Variants in COX14 observed in about 807,000 individuals in gnomAD.
COX14 encodes the protein cytochrome c oxidase assembly protein COX14.
In COX14, 3 loss-of-function variants were observed where a neutral mutation model predicts 5.8. The observed-to-expected ratio is 0.51, with a 90% CI of 0.23 to 1.33. COX14 has a LOEUF of 1.33. Among genes scored for constraint, COX14 ranks in the 40% most tolerant of loss-of-function variants. COX14 has a pLI of 0.18. For missense variants in COX14, 72 were observed against 72.1 expected (o/e 1.00, Z 0.01); for synonymous variants, 25 against 26.1 (o/e 0.96, Z 0.13).
chr12:50,120,286 A>T lies in COX14; in HGVS notation c.*69A>T. 1 of 1,347,136 alleles carries T rather than the reference A, an allele frequency of 7.4e-7. No individual in the cohort carries two copies. Among genetic ancestry groups the T allele is most frequent in the Middle Eastern group, 2.6e-4 (1 of 3,814 alleles). The allele number at this position is 1,347,136 out of a possible 1,614,324, so 83.4% of individuals were successfully genotyped here. A position where few individuals can be genotyped will look rare whatever the true frequency, so the allele number is the denominator to read the frequency against. ...CTGTGGAGAGACTTCACCTGCCACC[A>T]TTTCCAGGTCAACAGGACTAGAGCG... On this transcript the variant is annotated 3_prime_UTR_variant, in exon 2 of 2. Coordinates refer to ENST00000550487, the MANE Select transcript of COX14 (RefSeq NM_032901.4).
chr12:50,119,461 G>T (rs962231574), intron 1 of COX14, among the ~76,000 whole-genome samples: 2 of 152,196 alleles, frequency 1.3e-5, no homozygotes, highest in African/African-American at 4.8e-5. Flanking sequence ...GGAGGCCAAG[G>T]TGGGAGGATC....
At position 50,116,186 on chromosome 12, in the gene COX14, A is replaced by G. The variant is rs142667792; in HGVS notation, c.-8-3850A>G. Among the ~76,000 whole-genome samples, 1,408 of 149,058 alleles carry G rather than the reference A, an allele frequency of 9.4e-3. 13 individuals are homozygous for G. Among genetic ancestry groups the G allele is most frequent in the African/African-American group, 0.034 (1,354 of 40,416 alleles). ...TGGCTCACTGCAACCTCTGCCTCCC[A>G]GGTTCAAGTGATTCTCTTGCCTCAG... On this transcript the variant is annotated intron_variant, in intron 1 of 1. Transcript: ENST00000550487.
intron 1 of COX14, among the ~76,000 whole-genome samples, chr12:50,114,711 A>G (rs1257634002): frequency 6.7e-6 from 1 of 149,396 alleles, no homozygotes; most frequent in Non-Finnish European, 1.5e-5. Flanking sequence ...ATCTATCTAA[A>G]TTTGTATTTC....
Position 50,113,623 on chromosome 12 carries a change from A to G in COX14, c.-9+1322A>G, listed in dbSNP as rs192537648. On this transcript the variant is annotated intron_variant, in intron 1 of 1. Transcript: ENST00000550487. ...CGGCCGTTATTTTATTTATTTATTT[A>G]TTTGTTTGTTATTTTATTTATTTTT... is the stretch of plus-strand genomic sequence containing the variant. Among the ~76,000 whole-genome samples, 318 of 145,340 alleles carry G rather than the reference A, an allele frequency of 2.2e-3. 1 individual carries two copies. The highest frequency in any genetic ancestry group is 0.018 in the South Asian group (82 of 4,440).
intron 1 of COX14, chr12:50,112,538 C>T (rs1424013545): frequency 2.2e-6 from 2 of 928,064 alleles, no homozygotes; most frequent in Non-Finnish European, 2.6e-6. Context: ...TGTCAAACCT[C>T]GACTCCTGCC....
intron 1 of COX14, among the ~76,000 whole-genome samples, chr12:50,119,114 G>A (rs971857705): frequency 6.6e-6 from 1 of 152,174 alleles, no homozygotes; most frequent in Non-Finnish European, 1.5e-5. Flanking sequence ...GGTTTAGAAC[G>A]TAGAATTAAT....
At position 50,120,278 on chromosome 12, in the gene COX14, C is replaced by A; in HGVS notation, c.*61C>A. The stretch of plus-strand genomic sequence containing the variant: ...AAGGCATGCTGTGGAGAGACTTCAC[C>A]TGCCACCATTTCCAGGTCAACAGGA... On this transcript the variant is annotated 3_prime_UTR_variant, in exon 2 of 2. Transcript: ENST00000550487. 7.1e-7 allele frequency: 1 copy of A among 1,406,948 alleles called. No individual in the cohort carries two copies. Among genetic ancestry groups the A allele is most frequent in the Non-Finnish European group, 9.8e-7 (1 of 1,019,348 alleles). 87.2% of individuals were successfully genotyped at this position (1,406,948 alleles called of 1,614,324 possible).
chr12:50,113,522 C>T (rs960577498), intron 1 of COX14, among the ~76,000 whole-genome samples: 1 of 151,550 alleles, frequency 6.6e-6, no homozygotes, highest in Non-Finnish European at 1.5e-5. Flanking sequence ...CCAGGATGGT[C>T]TCGATATCCT....
intron 1 of COX14, among the ~76,000 whole-genome samples, chr12:50,114,922 C>G (rs1282020766): frequency 6.6e-6 from 1 of 151,510 alleles, no homozygotes; most frequent in African/African-American, 2.4e-5. Context: ...CAGGCGCCAC[C>G]ATGCCCAGCT....
In COX14 at chr12:50,118,442, A is replaced by AT. The variant is rs1378407904; in HGVS notation, c.-8-1593dup. 2.3e-5 allele frequency: 23 copies of AT among 985,040 alleles called. No individual in the cohort carries two copies. The African/African-American group carries it at 3.7e-4, about 16-fold the overall frequency. 61.0% of individuals were successfully genotyped at this position (985,040 alleles called of 1,614,324 possible). A position where few individuals can be genotyped will look rare whatever the true frequency, so the allele number is the denominator to read the frequency against. On this transcript the variant is annotated intron_variant, in intron 1 of 1. Coordinates refer to ENST00000550487, the MANE Select transcript of COX14 (RefSeq NM_032901.4). ...TACCCCAACCCCGTCCTTGATGGAC[A>AT]TCATGCTCTGGTTGTTGTTTCTTTA...
chr12:50,118,834 T>C lies in COX14; in HGVS notation c.-8-1202T>C, dbSNP rs115439264. 3.2e-3 allele frequency among the ~76,000 whole-genome samples: 481 copies of C among 152,290 alleles called. 4 individuals are homozygous for C. The highest frequency in any genetic ancestry group is 0.011 in the African/African-American group (448 of 41,552). On this transcript the variant is annotated intron_variant, in intron 1 of 1. Coordinates refer to ENST00000550487, the MANE Select transcript of COX14 (RefSeq NM_032901.4). Reference sequence around the variant, plus strand: ...TTTTATTGAGGTAGTCTTCCTGACTTTTAAGAAACCTATCTCGCTAATTTC... The same window carrying C: ...TTTTATTGAGGTAGTCTTCCTGACTCTTAAGAAACCTATCTCGCTAATTTC...
chr12:50,115,119 G>A (rs1050350534), intron 1 of COX14, among the ~76,000 whole-genome samples: 5 of 145,706 alleles, frequency 3.4e-5, no homozygotes, highest in Non-Finnish European at 7.5e-5. Context: ...TTGCCTAGGC[G>A]TAGTCTTGAA....
intron 1 of COX14, chr12:50,112,505 T>C: frequency 1.0e-6 from 1 of 983,694 alleles, no homozygotes; most frequent in Non-Finnish European, 1.2e-6. Context: ...TAGGTCAGTC[T>C]TGCTAGAGCT....
At chr12:50,116,404 T>G (rs1951081389) in intron 1 of COX14, among the ~76,000 whole-genome samples, 1 of 152,248 alleles carries the variant, frequency 6.6e-6, no homozygotes, top group Non-Finnish European at 1.5e-5. Flanking sequence ...GAAGAGTTTT[T>G]GCTAATTGGA....
Position 50,112,316 on chromosome 12 carries a change from A to G in COX14, c.-9+15A>G, listed in dbSNP as rs974992601. On this transcript the variant is annotated intron_variant, in intron 1 of 1. Coordinates refer to ENST00000550487, the MANE Select transcript of COX14 (RefSeq NM_032901.4). ...GCAGCATCCAGGTACGCTGCCGGCT[A>G]GGGCCGAGCAGGGGCTGCCAGTCCC... 3.8e-5 allele frequency: 37 copies of G among 985,480 alleles called. No homozygotes were observed. Among genetic ancestry groups the G allele is most frequent in the South Asian group, 4.7e-5 (1 of 21,292 alleles). The allele number at this position is 985,480 out of a possible 1,614,324, so 61.0% of individuals were successfully genotyped here.
rs1428346219 is a variant in COX14 at position 50,120,389 on chromosome 12, T to C, written c.*172T>C. The C allele has an allele frequency of 3.3e-6, 2 of 599,252 alleles. No individual in the cohort carries two copies. Among genetic ancestry groups the C allele is most frequent in the Non-Finnish European group, 6.0e-6 (2 of 333,712 alleles). The allele number at this position is 599,252 out of a possible 1,614,324, so 37.1% of individuals were successfully genotyped here. A position where few individuals can be genotyped will look rare whatever the true frequency, so the allele number is the denominator to read the frequency against. ...TGCCAGTTTGACAGTTTATGGAGGCTTTTGAATCGTAATAGCAATGTGAGG... is the reference window on the plus strand; with the variant it reads ...TGCCAGTTTGACAGTTTATGGAGGCCTTTGAATCGTAATAGCAATGTGAGG... On this transcript the variant is annotated 3_prime_UTR_variant, in exon 2 of 2. Coordinates refer to ENST00000550487, the MANE Select transcript of COX14 (RefSeq NM_032901.4).
At position 50,112,393 on chromosome 12, in the gene COX14, C is replaced by T. The variant is rs74090055; in HGVS notation, c.-9+92C>T. ...TCTCCGCTTGCCGCGTCCTCCCATC[C>T]CCTAGTCTGCAGGCCTGGTGCCCTT... is the stretch of plus-strand genomic sequence containing the variant. On this transcript the variant is annotated intron_variant, in intron 1 of 1. Coordinates refer to ENST00000550487, the MANE Select transcript of COX14 (RefSeq NM_032901.4). 8.8e-4 allele frequency: 868 copies of T among 985,762 alleles called. 10 individuals carry two copies. The African/African-American group carries it at 0.014, about 16-fold the overall frequency. The allele number at this position is 985,762 out of a possible 1,614,324, so 61.1% of individuals were successfully genotyped here.
chr12:50,116,281 C>A, intron 1 of COX14, among the ~76,000 whole-genome samples: 1 of 152,108 alleles, frequency 6.6e-6, no homozygotes, highest in East Asian at 1.9e-4. Flanking sequence ...TTAGTAGAGA[C>A]AGGGTTTTGC....
At chr12:50,117,247 C>T (rs1031899934) in intron 1 of COX14, among the ~76,000 whole-genome samples, 8 of 151,310 alleles carry the variant, frequency 5.3e-5, no homozygotes, top group African/African-American at 1.9e-4. Context: ...AACTCCTGGC[C>T]TCAAGTGATC....
Sources: allele counts gnomAD v4.1 joint callset (sites outside exome capture counted in the v4.1 genomes callset), GRCh38; gene constraint gnomAD v4.1.1; transcripts MANE v1.5; gene names NCBI Gene and HGNC (gene_info 2026-07-23, HGNC 2026-07-21).